TSPAN9: variants seen among roughly 807,000 people sequenced by gnomAD.
The protein encoded by TSPAN9 is tetraspanin 9.
In TSPAN9, 16 loss-of-function variants were observed where a neutral mutation model predicts 31.0. That is an observed-to-expected ratio of 0.52 (90% CI 0.35 to 0.78). The LOEUF is 0.78. TSPAN9 is among the 30% of genes least tolerant of loss of function. The pLI is 0.01. For missense variants in TSPAN9, 272 were observed against 312.5 expected (o/e 0.87, Z 0.98); for synonymous variants, 145 against 121.6 (o/e 1.19, Z -1.27).
chr12:3,186,280 G>GTCTGTGT (rs2098361269), intron 2 of TSPAN9, among the ~76,000 whole-genome samples: 3 of 152,204 alleles, frequency 2.0e-5, no homozygotes, highest in Non-Finnish European at 4.4e-5. Context: ...CGTAGCTTTG[G>GTCTGTGT]GAATACAGCA....
At chr12:3,191,431 C>T (rs1286688173) in intron 2 of TSPAN9, among the ~76,000 whole-genome samples, 1 of 152,140 alleles carries the variant, frequency 6.6e-6, no homozygotes, top group Admixed American at 6.5e-5. Context: ...CTGTCCAGTG[C>T]CATTTCATAG....
chr12:3,110,403 C>T (rs2098317890), intron 2 of TSPAN9, among the ~76,000 whole-genome samples: 1 of 152,114 alleles, frequency 6.6e-6, no homozygotes, highest in Non-Finnish European at 1.5e-5. Flanking sequence ...CCATGCTGGC[C>T]AAAAGTCTCT....
chr12:3,089,148 C>A (rs946822254), intron 2 of TSPAN9, among the ~76,000 whole-genome samples: 4 of 150,196 alleles, frequency 2.7e-5, no homozygotes, highest in Admixed American at 2.0e-4. Flanking sequence ...AGGAGAATGG[C>A]ATGAACCTGG....
At position 3,215,095 on chromosome 12, in the gene TSPAN9, C is replaced by T. The variant is rs928761401; in HGVS notation, c.63+13839C>T. ...CCTTCCCACCCCCATCCCCAAGTCT[C>T]CCCATTAAAACTCATGGCTCAAAGC... On this transcript the variant is annotated intron_variant, in intron 3 of 8. Coordinates refer to ENST00000011898, the MANE Select transcript of TSPAN9 (RefSeq NM_006675.5). 6.6e-5 allele frequency among the ~76,000 whole-genome samples: 10 copies of T among 152,184 alleles called. 1 individual carries two copies. Among genetic ancestry groups the T allele is most frequent in the Admixed American group, 2.6e-4 (4 of 15,274 alleles).
intron 3 of TSPAN9, among the ~76,000 whole-genome samples, chr12:3,251,845 G>C (rs1301023259): frequency 6.6e-6 from 1 of 152,160 alleles, no homozygotes. Context: ...GGCTCCCAGG[G>C]AGCCCCTAGT....
intron 3 of TSPAN9, among the ~76,000 whole-genome samples, chr12:3,277,808 C>T (rs984127121): frequency 1.4e-4 from 21 of 152,184 alleles, no homozygotes; most frequent in African/African-American, 4.6e-4. Context: ...TGGACTCCCA[C>T]GTCCCGCACA....
rs116367439 is a variant in TSPAN9, at chr12:3,241,647, C to T, written c.64-36774C>T. On this transcript the variant is annotated intron_variant, in intron 3 of 8. Transcript: ENST00000011898. ...TGGGCTCGTTTCTTCCCCGACATTCCGTGAGTGCCCTTATCCCAGTCATGG... is the reference window on the plus strand; with the variant it reads ...TGGGCTCGTTTCTTCCCCGACATTCTGTGAGTGCCCTTATCCCAGTCATGG... 5.7e-3 allele frequency among the ~76,000 whole-genome samples: 871 copies of T among 152,330 alleles called. 10 individuals are homozygous for T. Among genetic ancestry groups the T allele is most frequent in the African/African-American group, 0.019 (805 of 41,576 alleles).
intron 3 of TSPAN9, among the ~76,000 whole-genome samples, chr12:3,231,548 G>A (rs1443130758): frequency 1.3e-5 from 2 of 152,202 alleles, no homozygotes. Context: ...ACCATCCCAT[G>A]CCCCATGCCA....
At chr12:3,268,658 G>C (rs1375460325) in intron 3 of TSPAN9, among the ~76,000 whole-genome samples, 25 of 60,922 alleles carry the variant, frequency 4.1e-4, no homozygotes, top group African/African-American at 1.7e-3. Flanking sequence ...CCTGCCCTCC[G>C]TGCGTTCCTG....
intron 3 of TSPAN9, among the ~76,000 whole-genome samples, chr12:3,232,535 G>C (rs1374089779): frequency 1.3e-5 from 2 of 152,212 alleles, no homozygotes; most frequent in Non-Finnish European, 2.9e-5. Flanking sequence ...AGAAAACTTA[G>C]AGGACATTAA....
intron 2 of TSPAN9, among the ~76,000 whole-genome samples, chr12:3,105,112 C>T (rs57209305): frequency 0.038 from 5,848 of 152,268 alleles, 388 homozygotes; most frequent in African/African-American, 0.13. Context: ...GCCCCGTCTG[C>T]GCACAGCAGC....
chr12:3,212,659 G>A (rs905378112), intron 3 of TSPAN9, among the ~76,000 whole-genome samples: 1 of 152,316 alleles, frequency 6.6e-6, no homozygotes, highest in East Asian at 1.9e-4. Flanking sequence ...CCTGATGAGG[G>A]AATGGGGCAC....
chr12:3,270,499 C>A (rs1862654705), intron 3 of TSPAN9, among the ~76,000 whole-genome samples: 1 of 152,356 alleles, frequency 6.6e-6, no homozygotes, highest in East Asian at 1.9e-4. Context: ...AGGGCTATAC[C>A]AACCTAGAGT....
chr12:3,089,389 C>G (rs2098302780), intron 2 of TSPAN9, among the ~76,000 whole-genome samples: 1 of 150,010 alleles, frequency 6.7e-6, no homozygotes, highest in Middle Eastern at 3.5e-3. Context: ...CTCCCACTCC[C>G]TAGTTCAAGC....
intron 2 of TSPAN9, among the ~76,000 whole-genome samples, chr12:3,108,249 T>C (rs1002670688): frequency 6.6e-6 from 1 of 152,238 alleles, no homozygotes; most frequent in African/African-American, 2.4e-5. Context: ...TAGTAGGTAC[T>C]CTGTGAATAT....
At chr12:3,247,511 G>A (rs755852435) in intron 3 of TSPAN9, among the ~76,000 whole-genome samples, 8 of 152,134 alleles carry the variant, frequency 5.3e-5, no homozygotes, top group Admixed American at 1.3e-4. Context: ...AATCCTCTTC[G>A]GAGACAGACA....
chr12:3,198,508 C>G (rs1398758934), intron 2 of TSPAN9, among the ~76,000 whole-genome samples: 15 of 125,206 alleles, frequency 1.2e-4, no homozygotes, highest in African/African-American at 4.5e-4. Context: ...CAGGCCACCA[C>G]CAGCACAGGT....
intron 3 of TSPAN9, among the ~76,000 whole-genome samples, chr12:3,250,546 T>G (rs1378999139): frequency 6.6e-6 from 1 of 152,102 alleles, no homozygotes; most frequent in East Asian, 1.9e-4. Flanking sequence ...GGCAGGGCCA[T>G]TATTCCCTTT....
intron 8 of TSPAN9, 32 bp downstream of exon 8, chr12:3,281,849 C>A (rs373095442): frequency 1.2e-6 from 2 of 1,607,184 alleles, no homozygotes; most frequent in Non-Finnish European, 1.7e-6. Flanking sequence ...GCCTCACCCA[C>A]CCTGCTGGCC....
Sources: allele counts gnomAD v4.1 joint callset (sites outside exome capture counted in the v4.1 genomes callset), GRCh38; gene constraint gnomAD v4.1.1; transcripts MANE v1.5; gene names NCBI Gene and HGNC (gene_info 2026-07-23, HGNC 2026-07-21).